DNAI2: variants seen among roughly 807,000 people sequenced by gnomAD.
The protein encoded by DNAI2 is dynein, axonemal, intermediate polypeptide 2.
Under a neutral mutation model 74.7 loss-of-function variants are expected in DNAI2, and 63 were observed. That is an observed-to-expected ratio of 0.84 (90% CI 0.69 to 1.04). DNAI2 has a LOEUF of 1.04. DNAI2 is among the 50% of genes least tolerant of loss of function. DNAI2 has a pLI of 0.00. For missense variants in DNAI2, 688 were observed against 803.2 expected, an observed-to-expected ratio of 0.86 and a Z score of 1.73; for synonymous variants, 289 against 314.9, an observed-to-expected ratio of 0.92 and a Z score of 0.87.
chr17:74,306,577 A>C (rs73360678), intron 9 of DNAI2, among the ~76,000 whole-genome samples: 7,310 of 152,180 alleles, frequency 0.048, 581 homozygotes, highest in African/African-American at 0.17. Context: ...GTGCTTCCCA[A>C]ATCTGGTTGC....
chr17:74,302,058 G>GGAAA (rs1567865698), intron 8 of DNAI2, among the ~76,000 whole-genome samples: 3 of 31,802 alleles, frequency 9.4e-5, no homozygotes, highest in African/African-American at 5.5e-4. Context: ...AAGGAAGGAA[G>GGAAA]GAAGGAAGGA....
intron 4 of DNAI2, among the ~76,000 whole-genome samples, chr17:74,287,666 C>T (rs28692188): frequency 0.13 from 19,581 of 152,176 alleles, 2,512 homozygotes; most frequent in African/African-American, 0.33. Flanking sequence ...GTAAAGCGAG[C>T]GGGGCAGTCT....
At chr17:74,312,374 G>A (rs2144132902) in intron 12 of DNAI2, 144 bp downstream of exon 12, 1 of 681,642 alleles carries the variant, frequency 1.5e-6, no homozygotes. Context: ...CCTGGCAAGT[G>A]GGAAGAATTA....
intron 1 of DNAI2, chr17:74,281,592 A>T: frequency 3.3e-6 from 2 of 603,230 alleles, no homozygotes; most frequent in Non-Finnish European, 5.9e-6. Flanking sequence ...GAGCAACTGC[A>T]ATAACTAAAC....
At chr17:74,311,958 T>C in intron 11 of DNAI2, 45 bp from the exon 12 acceptor site, 1 of 1,511,240 alleles carries the variant, frequency 6.6e-7, no homozygotes, top group Non-Finnish European at 9.1e-7. Context: ...TCGCTTGCCA[T>C]CCTGCCCTCT....
At position 74,287,054 on chromosome 17, in the gene DNAI2, A is replaced by C. The variant is rs775610070; in HGVS notation, c.423A>C (p.Glu141Asp). The C allele has an allele frequency of 6.2e-7, 1 of 1,613,916 alleles. No individual in the cohort carries two copies. The highest frequency in any genetic ancestry group is 1.1e-5 in the South Asian group (1 of 91,074). Residue 141 changes from glutamate to aspartate, a missense_variant, in exon 4 of 14, where the codon GAA becomes GAC. By Grantham distance (45) the Glu-to-Asp change is conservative (BLOSUM62 2). Coordinates refer to ENST00000311014, the MANE Select transcript of DNAI2 (RefSeq NM_023036.6). ...ATTTCAATGACGAGGAGGCCATGGA[A>C]GTGATGGAGGAGGACCCTTCAGCTA... ...EEYFNDEEAMEVMEEDPSAKT... is the reference protein window; with the variant it reads ...EEYFNDEEAMDVMEEDPSAKT...
chr17:74,299,323 G>T (rs1359652469), intron 6 of DNAI2, among the ~76,000 whole-genome samples: 1 of 152,066 alleles, frequency 6.6e-6, no homozygotes, highest in Non-Finnish European at 1.5e-5. Context: ...TAGGGACTCG[G>T]CTCTCCTCTC....
intron 6 of DNAI2, among the ~76,000 whole-genome samples, chr17:74,292,592 G>GT (rs1475252950): frequency 6.6e-6 from 1 of 151,380 alleles, no homozygotes; most frequent in African/African-American, 2.4e-5. Flanking sequence ...AATTTTTGTA[G>GT]TTTTTTTAGT....
intron 8 of DNAI2, among the ~76,000 whole-genome samples, chr17:74,303,155 G>A (rs1242662838): frequency 6.6e-6 from 1 of 152,122 alleles, no homozygotes; most frequent in Non-Finnish European, 1.5e-5. Context: ...GTTATTATCC[G>A]TACTTGCCAG....
chr17:74,276,703 G>A (rs1433179855), intron 1 of DNAI2, among the ~76,000 whole-genome samples: 2 of 152,162 alleles, frequency 1.3e-5, no homozygotes, highest in Non-Finnish European at 2.9e-5. Flanking sequence ...TTGGCCTTGG[G>A]AAACACCAAG....
At chr17:74,281,210 T>A (rs1378065507) in intron 1 of DNAI2, among the ~76,000 whole-genome samples, 1 of 151,808 alleles carries the variant, frequency 6.6e-6, no homozygotes, top group African/African-American at 2.4e-5. Context: ...CTTGGGCAAG[T>A]CACTGATGGC....
intron 11 of DNAI2, 130 bp from the exon 12 acceptor site, chr17:74,311,873 G>A: frequency 1.1e-6 from 1 of 881,556 alleles, no homozygotes. Context: ...CCTGGGTACA[G>A]ACCTCTACAG....
intron 8 of DNAI2, among the ~76,000 whole-genome samples, chr17:74,304,917 C>T (rs1188132242): frequency 6.6e-6 from 1 of 152,200 alleles, no homozygotes; most frequent in Non-Finnish European, 1.5e-5. Context: ...TGGCCAAATG[C>T]ATCGAGGACA....
Position 74,310,013 on chromosome 17 carries a change from A to C in DNAI2, c.1348-4A>C. 6.2e-7 allele frequency: 1 copy of C among 1,613,788 alleles called. No individual in the cohort carries two copies. Among genetic ancestry groups the C allele is most frequent in the Non-Finnish European group, 8.5e-7 (1 of 1,180,024 alleles). On this transcript the variant is annotated splice_region_variant and splice_polypyrimidine_tract_variant and intron_variant, in intron 10 of 13. Transcript: ENST00000311014. ...TACCTGGGTCTGCCCGGCCCCTTCAATAGGTGTGTGACGAGGCCCTCTTCT... is the reference window on the plus strand; with the variant it reads ...TACCTGGGTCTGCCCGGCCCCTTCACTAGGTGTGTGACGAGGCCCTCTTCT...
At chr17:74,313,897 G>T in intron 12 of DNAI2, 1 of 591,344 alleles carries the variant, frequency 1.7e-6, no homozygotes, top group Non-Finnish European at 2.9e-6. Flanking sequence ...TGTGGCAGAA[G>T]CCAGGCGTGA....
intron 1 of DNAI2, among the ~76,000 whole-genome samples, chr17:74,275,035 G>T (rs371869933): frequency 6.6e-6 from 1 of 152,164 alleles, no homozygotes; most frequent in African/African-American, 2.4e-5. Flanking sequence ...TGTTTGTCAC[G>T]GTCAGCAGAG....
chr17:74,282,309 A>G (rs1164461577), intron 2 of DNAI2, among the ~76,000 whole-genome samples: 1 of 92,732 alleles, frequency 1.1e-5, no homozygotes, highest in Non-Finnish European at 2.5e-5. Flanking sequence ...TGTAGCTGGG[A>G]GACATTTTTT....
intron 10 of DNAI2, 116 bp downstream of exon 10, chr17:74,309,504 C>T (rs373961361): frequency 3.2e-5 from 46 of 1,449,306 alleles, no homozygotes; most frequent in Non-Finnish European, 4.3e-5. Flanking sequence ...TGTGTTTGGG[C>T]CTCTGTGGGG....
At chr17:74,311,172 C>G (rs2053499620) in intron 11 of DNAI2, among the ~76,000 whole-genome samples, 1 of 152,192 alleles carries the variant, frequency 6.6e-6, no homozygotes, top group South Asian at 2.1e-4. Flanking sequence ...CCACGCCCAG[C>G]CTGAAGACTT....
Sources: gnomAD v4.1 joint callset for allele counts (sites outside exome capture counted in the v4.1 genomes callset) on GRCh38, gnomAD v4.1.1 for gene constraint, MANE v1.5 for transcripts, NCBI Gene and HGNC (gene_info 2026-07-23, HGNC 2026-07-21) for gene names.